The following RASL12 variants were observed in gnomAD, a reference collection of about 807,000 sequenced individuals.
RASL12 encodes ras-like protein family member 12.
Under a neutral mutation model 22.9 loss-of-function variants are expected in RASL12, and 16 were observed. The ratio of observed to expected loss-of-function variants is 0.70; its 90% CI spans 0.47 to 1.06. The LOEUF (loss-of-function observed/expected upper bound fraction) is 1.06, where lower values mean the gene tolerates loss of function less well. Ranked by LOEUF, RASL12 falls within the 50% of genes least tolerant of loss-of-function variation. The probability of loss-of-function intolerance (pLI) is 0.00; values close to 1 mark genes in which losing one functional copy is unlikely to be tolerated. For missense variants in RASL12, 306 were observed against 353.1 expected, an observed-to-expected ratio of 0.87 and a Z score of 1.07; for synonymous variants, 159 against 152.2, an observed-to-expected ratio of 1.04 and a Z score of -0.33.
chr15:65,071,140 C>T (rs1174826899), upstream of RASL12, among the ~76,000 whole-genome samples: 1 of 152,146 alleles, frequency 6.6e-6, no homozygotes, highest in Non-Finnish European at 1.5e-5. Context: ...CTGGAGACTC[C>T]CACAGGTTAG....
At position 65,054,387 on chromosome 15, in the gene RASL12, A is replaced by G; in HGVS notation, c.*512T>C. On this transcript the variant is annotated 3_prime_UTR_variant, in exon 5 of 5. Coordinates refer to ENST00000220062, the MANE Select transcript of RASL12 (RefSeq NM_016563.4). ...GGGTTTGTAGCCTGGGCCTTCTGTG[A>G]AGTCAGCAGATGACAGGAGGGCCAG... is the stretch of plus-strand genomic sequence containing the variant. 1.0e-6 allele frequency: 1 copy of G among 987,214 alleles called. No homozygotes were observed. Among genetic ancestry groups the G allele is most frequent in the Non-Finnish European group, 1.2e-6 (1 of 831,226 alleles). The allele number at this position is 987,214 out of a possible 1,614,324, so 61.2% of individuals were successfully genotyped here. A position where few individuals can be genotyped will look rare whatever the true frequency, so the allele number is the denominator to read the frequency against.
chr15:65,055,159 G>A lies in RASL12; in HGVS notation c.541C>T (p.Arg181Ter), dbSNP rs751668315. The change falls in exon 5 of 5, where the codon CGA becomes TGA. Residue 181 changes from arginine (R) to a stop codon, truncating the protein, a stop_gained. Coordinates refer to ENST00000220062, the MANE Select transcript of RASL12 (RefSeq NM_016563.4). LOFTEE classifies it high-confidence loss of function. Reference sequence around the variant, plus strand: ...TTCTCCAGCTCCCGCCGTGCCTCTCGCACTGCCTCGTGGAAGACATGCTGC... The same window carrying A: ...TTCTCCAGCTCCCGCCGTGCCTCTCACACTGCCTCGTGGAAGACATGCTGC... ...HVQHVFHEAVREARRELEKSP... is the reference protein window; with the variant it reads ...HVQHVFHEAV 6.8e-6 allele frequency: 11 copies of A among 1,612,172 alleles called. No homozygotes were observed. In the East Asian group the frequency reaches 1.8e-4, roughly 26 times the overall value.
At chr15:65,070,247 GAC>G (rs1172539574), upstream of RASL12, among the ~76,000 whole-genome samples, 1 of 152,226 alleles carries the variant, frequency 6.6e-6, no homozygotes, top group African/African-American at 2.4e-5. Context: ...CTGCCTGGGT[GAC>G]AGAGTGAGAC....
downstream of RASL12, chr15:65,049,873 TC>T: frequency 3.4e-6 from 2 of 582,434 alleles, no homozygotes; most frequent in Non-Finnish European, 5.9e-6. Flanking sequence ...GGATATCCAG[TC>T]ATGCTGTCTG....
chr15:65,049,944 G>A (rs2086627023), downstream of RASL12: 6 of 1,370,342 alleles, frequency 4.4e-6, no homozygotes, highest in South Asian at 7.9e-5. Context: ...AGGAGGCCAG[G>A]AGGGCTGCTG....
At chr15:65,048,185 GAAAAAAAAAGA>G in the RASL12 span, among the ~76,000 whole-genome samples, 58,082 of 95,118 alleles carry the variant, frequency 0.61, 11,829 homozygotes, top group South Asian at 0.69. Flanking sequence ...CGTCTCAAAA[GAAAAAAAAAGA>G]AAAAAAAAAA....
Position 65,058,632 on chromosome 15 carries a change from A to C in RASL12, c.235-15T>G. Reference sequence around the variant, plus strand: ...CTGGGGGTGTCCTGGGGTGAAGGTGAGAAGCCCCGCCGGGGGGCAGAGGAG... The same window carrying C: ...CTGGGGGTGTCCTGGGGTGAAGGTGCGAAGCCCCGCCGGGGGGCAGAGGAG... On this transcript the variant is annotated splice_polypyrimidine_tract_variant and intron_variant, in intron 3 of 4. Coordinates refer to ENST00000220062, the MANE Select transcript of RASL12 (RefSeq NM_016563.4). The C allele has an allele frequency of 6.8e-7, 1 of 1,479,694 alleles. No homozygotes were observed. The highest frequency in any genetic ancestry group is 9.1e-7 in the Non-Finnish European group (1 of 1,101,036). The allele number at this position is 1,479,694 out of a possible 1,614,324, so 91.7% of individuals were successfully genotyped here.
upstream of RASL12, among the ~76,000 whole-genome samples, chr15:65,068,503 A>AG (rs1325876176): frequency 2.0e-5 from 3 of 152,092 alleles, no homozygotes; most frequent in Middle Eastern, 6.8e-3. This position sits in a 1 kb window ranked among gnomAD's most constrained non-coding sequence, Gnocchi z 4.2. Context: ...CTTCTGGGAG[A>AG]GGGGGCGGGG....
At chr15:65,060,842 G>A (rs1428554814) in intron 2 of RASL12, among the ~76,000 whole-genome samples, 3 of 152,196 alleles carry the variant, frequency 2.0e-5, no homozygotes, top group Non-Finnish European at 4.4e-5. Flanking sequence ...CACACTCCAG[G>A]TCCACTAGCA....
upstream of RASL12, among the ~76,000 whole-genome samples, chr15:65,071,062 G>T (rs536846787): frequency 6.6e-6 from 1 of 152,258 alleles, no homozygotes; most frequent in South Asian, 2.1e-4. Flanking sequence ...AAGGGCCAGG[G>T]CGTTCCCATC....
At chr15:65,049,905 A>G, downstream of RASL12, 1 of 812,294 alleles carries the variant, frequency 1.2e-6, no homozygotes, top group Non-Finnish European at 1.9e-6. Context: ...AGGGGTCTTC[A>G]CGGCTTCTCT....
At position 65,060,347 on chromosome 15, in the gene RASL12, G is replaced by A. The variant is rs1020031082; in HGVS notation, c.161-929C>T. Among the ~76,000 whole-genome samples the A allele has an allele frequency of 5.3e-5, 8 of 152,178 alleles. No homozygotes were observed. The East Asian group carries it at 9.6e-4, about 18-fold the overall frequency. ...ATAACTTTAGACTGACATAGAAGTT[G>A]TAAAATAGTAGAGTTCCTGTGTACT... On this transcript the variant is annotated intron_variant, in intron 2 of 4. Transcript: ENST00000220062.
At chr15:65,060,002 T>A (rs1042635661) in intron 2 of RASL12, among the ~76,000 whole-genome samples, 7 of 152,252 alleles carry the variant, frequency 4.6e-5, no homozygotes, top group Admixed American at 4.6e-4. Flanking sequence ...TTAAACCCAA[T>A]GTCAGCTGCT....
chr15:65,055,944 G>C lies in RASL12; in HGVS notation c.426-670C>G, dbSNP rs965171344. 3.9e-5 allele frequency among the ~76,000 whole-genome samples: 6 copies of C among 152,250 alleles called. No individual in the cohort carries two copies. The South Asian group carries it at 8.3e-4, about 21-fold the overall frequency. On this transcript the variant is annotated intron_variant, in intron 4 of 4. Coordinates refer to ENST00000220062, the MANE Select transcript of RASL12 (RefSeq NM_016563.4). The stretch of plus-strand genomic sequence containing the variant: ...GGGACAACATTTCATGGTGAGGAGG[G>C]CAAAAGGAGAGAGGGGGCAACACCT...
chr15:65,050,184 C>CGT, downstream of RASL12: 1 of 1,090,298 alleles, frequency 9.2e-7, no homozygotes, highest in Non-Finnish European at 1.3e-6. Context: ...CTGACACTGT[C>CGT]GTCCCCTCCA....
At chr15:65,056,296 C>T (rs1476580130) in intron 4 of RASL12, among the ~76,000 whole-genome samples, 1 of 152,088 alleles carries the variant, frequency 6.6e-6, no homozygotes, top group Non-Finnish European at 1.5e-5. Flanking sequence ...CCAAGGCTGA[C>T]CTGGCAGGAG....
chr15:65,056,082 AAAG>A (rs1216899659), intron 4 of RASL12, among the ~76,000 whole-genome samples: 2 of 152,030 alleles, frequency 1.3e-5, no homozygotes, highest in East Asian at 3.9e-4. Flanking sequence ...GCGGGAAGAA[AAAG>A]AAGACTGGCC....
the RASL12 span, among the ~76,000 whole-genome samples, chr15:65,047,471 C>A: frequency 6.6e-6 from 1 of 152,240 alleles, no homozygotes; most frequent in Admixed American, 6.5e-5. Flanking sequence ...CAGGAGTGGT[C>A]AACATGAATA....
upstream of RASL12, among the ~76,000 whole-genome samples, chr15:65,069,749 T>G (rs2086918092): frequency 1.3e-5 from 2 of 152,086 alleles, no homozygotes; most frequent in African/African-American, 4.8e-5. Context: ...ACCAAGGGAG[T>G]GACCACGTCA....
Sources: gnomAD v4.1 joint callset for allele counts (sites outside exome capture counted in the v4.1 genomes callset) on GRCh38, gnomAD v4.1.1 for gene constraint, Gnocchi (gnomAD v3.1) non-coding constraint, MANE v1.5 for transcripts, NCBI Gene and HGNC (gene_info 2026-07-23, HGNC 2026-07-21) for gene names.